The following TTC21B variants were observed in gnomAD, a reference collection of about 807,000 sequenced individuals.
The protein encoded by TTC21B is tetratricopeptide repeat domain 21B, also known as tetratricopeptide repeat protein 21B.
In TTC21B, 127 loss-of-function variants were observed where a neutral mutation model predicts 175.1. That is an observed-to-expected ratio of 0.73 (90% CI 0.63 to 0.84). The LOEUF is 0.84. TTC21B is among the 40% of genes least tolerant of loss of function. The pLI is 0.00. For missense variants in TTC21B, 1,561 were observed against 1,558.3 expected, an observed-to-expected ratio of 1.00 and a Z score of -0.03; for synonymous variants, 524 against 524.5, an observed-to-expected ratio of 1.00 and a Z score of 0.01.
chr2:165,899,385 T>A (rs1380219341), intron 21 of TTC21B, among the ~76,000 whole-genome samples: 1 of 152,154 alleles, frequency 6.6e-6, no homozygotes, highest in Non-Finnish European at 1.5e-5. Context: ...TAATATGAAG[T>A]TGTTTTTTTT....
intron 22 of TTC21B, among the ~76,000 whole-genome samples, chr2:165,894,793 G>A (rs1685307021): frequency 6.6e-6 from 1 of 152,086 alleles, no homozygotes; most frequent in Non-Finnish European, 1.5e-5. Context: ...TCTGATATTG[G>A]GAATATGGTG....
At chr2:165,908,363 T>G (rs1346477564) in intron 18 of TTC21B, among the ~76,000 whole-genome samples, 1 of 152,178 alleles carries the variant, frequency 6.6e-6, no homozygotes, top group Non-Finnish European at 1.5e-5. Flanking sequence ...GGATGCAAGA[T>G]TTTAATAGCT....
At chr2:165,902,879 T>G (rs767455878) in intron 19 of TTC21B, among the ~76,000 whole-genome samples, 2 of 152,220 alleles carry the variant, frequency 1.3e-5, no homozygotes, top group Non-Finnish European at 2.9e-5. Flanking sequence ...TGTTGTCCTC[T>G]GACATCACTT....
intron 11 of TTC21B, among the ~76,000 whole-genome samples, chr2:165,927,563 A>C (rs1358279967): frequency 1.3e-5 from 2 of 150,922 alleles, no homozygotes. Flanking sequence ...AGGGGAAAGG[A>C]ATGTAGTTTG....
rs1220323008 is a variant in TTC21B at position 165,949,030 on chromosome 2, A to G, written c.262+364T>C. On this transcript the variant is annotated intron_variant, in intron 3 of 28. Transcript: ENST00000243344. ...TACAGAAATAAACTGCATTGGCTGT[A>G]TATTTGCACAAAAGTTGTAAACTTG... The G allele has an allele frequency of 1.1e-5, 3 of 273,154 alleles. No homozygotes were observed. In the East Asian group the frequency reaches 3.0e-4, roughly 27 times the overall value. 16.9% of individuals were successfully genotyped at this position (273,154 alleles called of 1,614,324 possible).
intron 9 of TTC21B, 130 bp downstream of exon 9, chr2:165,930,042 G>C (rs1559066739): frequency 1.3e-6 from 1 of 799,994 alleles, no homozygotes; most frequent in African/African-American, 1.8e-5. Flanking sequence ...TGACTTTTTC[G>C]AGTGTGGGCA....
intron 27 of TTC21B, among the ~76,000 whole-genome samples, chr2:165,877,280 TTTGAAAAGAA>T (rs1284456628): frequency 6.6e-6 from 1 of 152,178 alleles, no homozygotes; most frequent in Non-Finnish European, 1.5e-5. Flanking sequence ...ATTTTAAATG[TTTGAAAAGAA>T]TTACTGGCTA....
chr2:165,926,631 G>A (rs909343430), intron 11 of TTC21B, among the ~76,000 whole-genome samples: 6 of 152,118 alleles, frequency 3.9e-5, no homozygotes, highest in African/African-American at 1.4e-4. Context: ...TTGATCCTGG[G>A]TGTGTCTGTG....
At chr2:165,918,078 C>T (rs1166650395) in intron 13 of TTC21B, among the ~76,000 whole-genome samples, 4 of 152,172 alleles carry the variant, frequency 2.6e-5, no homozygotes, top group South Asian at 2.1e-4. Context: ...AACGAGGTGA[C>T]GTGGCAGCCA....
At chr2:165,884,101 A>G (rs1684930626) in intron 25 of TTC21B, 83 bp from the exon 26 acceptor site, 1 of 1,079,202 alleles carries the variant, frequency 9.3e-7, no homozygotes, top group African/African-American at 1.6e-5. Flanking sequence ...AATGCTACAT[A>G]AGAACTAGTT....
Position 165,874,899 on chromosome 2 carries a change from C to A in TTC21B, c.3874-67G>T. On this transcript the variant is annotated intron_variant, in intron 28 of 28. Coordinates refer to ENST00000243344, the MANE Select transcript of TTC21B (RefSeq NM_024753.5). ...AATCAAAAACTACGGAGTTACAAAA[C>A]TTATAAGAAATGAGCATTACAGTTA... 4 of 1,398,910 alleles carry A rather than the reference C, an allele frequency of 2.9e-6. No individual in the cohort carries two copies. In the South Asian group the frequency reaches 3.5e-5, roughly 12 times the overall value. The allele number at this position is 1,398,910 out of a possible 1,614,324, so 86.7% of individuals were successfully genotyped here. A position where few individuals can be genotyped will look rare whatever the true frequency, so the allele number is the denominator to read the frequency against.
chr2:165,939,231 A>C (rs1489724285), intron 6 of TTC21B, among the ~76,000 whole-genome samples: 1 of 152,186 alleles, frequency 6.6e-6, no homozygotes, highest in Admixed American at 6.5e-5. Flanking sequence ...CGATCTTAGC[A>C]AAGATGTTAC....
intron 6 of TTC21B, 148 bp downstream of exon 6, chr2:165,940,879 G>A: frequency 1.3e-6 from 1 of 773,980 alleles, no homozygotes; most frequent in Non-Finnish European, 2.1e-6. Context: ...ATGTTTAAAA[G>A]CAGTATGATT....
In TTC21B at chr2:165,907,683, G is replaced by A. The variant is rs1429974903; in HGVS notation, c.2563C>T (p.Gln855Ter). Residue 855 changes from glutamine to a stop codon, truncating the protein, a stop_gained, in exon 19 of 29, where the codon CAA becomes TAA. Transcript: ENST00000243344. LOFTEE classifies it high-confidence loss of function. ...EKLGDAITAL[Q>*]QARELQARVL... ...TCACAGACAAATGTGTTTACCTGTT[G>A]TAATGCAGTGATCGCATCACCAAGT... 1 of 1,605,614 alleles carries A rather than the reference G, an allele frequency of 6.2e-7. No individual in the cohort carries two copies. The highest frequency in any genetic ancestry group is 8.5e-7 in the Non-Finnish European group (1 of 1,173,672).
At chr2:165,933,563 G>A (rs1686993119) in intron 6 of TTC21B, among the ~76,000 whole-genome samples, 1 of 152,060 alleles carries the variant, frequency 6.6e-6, no homozygotes, top group Non-Finnish European at 1.5e-5. Context: ...CTTAAGAAAT[G>A]TGCAAAAGCT....
intron 22 of TTC21B, among the ~76,000 whole-genome samples, chr2:165,895,797 A>C (rs1685343084): frequency 6.6e-6 from 1 of 152,144 alleles, no homozygotes; most frequent in South Asian, 2.1e-4. Flanking sequence ...ATAACATCTG[A>C]GTATACTCTG....
intron 6 of TTC21B, among the ~76,000 whole-genome samples, chr2:165,933,274 G>A (rs922165931): frequency 1.3e-5 from 2 of 152,020 alleles, no homozygotes; most frequent in Admixed American, 1.3e-4. Flanking sequence ...TAAAAGATAT[G>A]AATAGATTAT....
chr2:165,937,334 T>G (rs1464595746), intron 6 of TTC21B, among the ~76,000 whole-genome samples: 1 of 152,144 alleles, frequency 6.6e-6, no homozygotes, highest in Non-Finnish European at 1.5e-5. Context: ...TTTAGGGCAG[T>G]AGAAATATTC....
chr2:165,947,372 T>C (rs906385248), intron 3 of TTC21B: 5 of 151,152 alleles, frequency 3.3e-5, no homozygotes, highest in African/African-American at 1.2e-4. Flanking sequence ...ACTCTAATGA[T>C]ACAAATTTAA....
Sources: allele counts gnomAD v4.1 joint callset (sites outside exome capture counted in the v4.1 genomes callset), GRCh38; gene constraint gnomAD v4.1.1; transcripts MANE v1.5; gene names NCBI Gene and HGNC (gene_info 2026-07-23, HGNC 2026-07-21).